The following TGFBR2 variants were observed in gnomAD, a reference collection of about 807,000 sequenced individuals.
TGFBR2 encodes transforming growth factor beta receptor 2, also known as TGF-beta receptor type-2.
Under a neutral mutation model 49.0 loss-of-function variants are expected in TGFBR2, and 18 were observed. The ratio of observed to expected loss-of-function variants is 0.37; its 90% CI spans 0.25 to 0.54. TGFBR2 has a LOEUF of 0.54. TGFBR2 is among the 20% of genes least tolerant of loss of function. The pLI, the probability that TGFBR2 is intolerant of heterozygous loss-of-function variation, is 0.85. For missense variants in TGFBR2, 525 were observed against 722.6 expected (o/e 0.73, Z 3.13); for synonymous variants, 282 against 275.9 (o/e 1.02, Z -0.22).
intron 1 of TGFBR2, among the ~76,000 whole-genome samples, chr3:30,640,835 A>C (rs1333425281): frequency 6.6e-6 from 1 of 152,154 alleles, no homozygotes; most frequent in Non-Finnish European, 1.5e-5. Context: ...CTATAGGGTT[A>C]ATTAGGTGGG....
chr3:30,613,321 C>A (rs1218437302), intron 1 of TGFBR2, among the ~76,000 whole-genome samples: 1 of 151,998 alleles, frequency 6.6e-6, no homozygotes. Context: ...TTTGGGCCTT[C>A]CAGTCTTACT....
chr3:30,635,345 A>G (rs941758469), intron 1 of TGFBR2, among the ~76,000 whole-genome samples: 15 of 152,238 alleles, frequency 9.9e-5, no homozygotes, highest in African/African-American at 3.6e-4. Flanking sequence ...AAAAACAAAA[A>G]CAAACAAAAA....
chr3:30,608,041 C>T (rs1382548272), intron 1 of TGFBR2, among the ~76,000 whole-genome samples: 1 of 151,160 alleles, frequency 6.6e-6, no homozygotes, highest in Non-Finnish European at 1.5e-5. Flanking sequence ...TGGGTTCAAG[C>T]GATTCTCCTG....
intron 3 of TGFBR2, among the ~76,000 whole-genome samples, chr3:30,654,175 A>T (rs1698951796): frequency 6.6e-6 from 1 of 152,244 alleles, no homozygotes; most frequent in African/African-American, 2.4e-5. Flanking sequence ...ATCTAGACAA[A>T]ATGGTGCAGA....
chr3:30,661,380 C>G (rs968836293), intron 3 of TGFBR2, among the ~76,000 whole-genome samples: 1 of 152,176 alleles, frequency 6.6e-6, no homozygotes, highest in Non-Finnish European at 1.5e-5. Flanking sequence ...GGTTGCCCTC[C>G]TTTTAAAGTC....
In TGFBR2 at chr3:30,691,841, G is replaced by A. The variant is rs1320860965; in HGVS notation, c.*242G>A. ...TAGCACTTCCTCAGGAAATGAGATT[G>A]ATTTTTACAATAGCCAATAACATTT... On this transcript the variant is annotated 3_prime_UTR_variant, in exon 7 of 7. Transcript: ENST00000295754. 1.9e-6 allele frequency: 1 copy of A among 520,392 alleles called. No individual in the cohort carries two copies. Among genetic ancestry groups the A allele is most frequent in the Admixed American group, 3.2e-5 (1 of 31,636 alleles). 32.2% of individuals were successfully genotyped at this position (520,392 alleles called of 1,614,324 possible).
intron 1 of TGFBR2, among the ~76,000 whole-genome samples, chr3:30,618,203 C>T (rs1575131294): frequency 6.6e-6 from 1 of 151,812 alleles, no homozygotes; most frequent in Admixed American, 6.6e-5. Context: ...ACTGTAGAAC[C>T]CAAGGACCCA....
chr3:30,648,462 A>ACACACACACCC (rs71786414), intron 2 of TGFBR2, among the ~76,000 whole-genome samples: 2 of 149,766 alleles, frequency 1.3e-5, no homozygotes, highest in Non-Finnish European at 1.5e-5. Context: ...ACACACACAC[A>ACACACACACCC]AAACTGTGGG....
chr3:30,644,642 C>A, intron 1 of TGFBR2, 105 bp from the exon 2 acceptor site: 1 of 1,097,014 alleles, frequency 9.1e-7, no homozygotes, highest in Non-Finnish European at 1.4e-6. Context: ...CAGATTCATT[C>A]TCATGACATC....
chr3:30,688,755 T>C (rs1699665268), intron 6 of TGFBR2, among the ~76,000 whole-genome samples: 1 of 152,250 alleles, frequency 6.6e-6, no homozygotes, highest in South Asian at 2.1e-4. Flanking sequence ...TGCCACATTT[T>C]CCAAGCCCCC....
At chr3:30,643,790 G>A (rs971373064) in intron 1 of TGFBR2, among the ~76,000 whole-genome samples, 3 of 152,316 alleles carry the variant, frequency 2.0e-5, no homozygotes, top group Middle Eastern at 3.4e-3. Flanking sequence ...GCAAGTATGC[G>A]ATGCAGATAG....
intron 1 of TGFBR2, among the ~76,000 whole-genome samples, chr3:30,633,624 C>A (rs527934749): frequency 5.3e-5 from 8 of 152,210 alleles, no homozygotes; most frequent in Admixed American, 3.3e-4. Flanking sequence ...AATTTGAGGA[C>A]ACAGAGACTT....
intron 1 of TGFBR2, among the ~76,000 whole-genome samples, chr3:30,636,155 A>ATG (rs61296907): frequency 0.069 from 9,326 of 134,508 alleles, 365 homozygotes; most frequent in East Asian, 0.18. Flanking sequence ...ATATATATGT[A>ATG]TGTGTGTGTG....
chr3:30,688,017 T>C (rs1699653333), intron 5 of TGFBR2, among the ~76,000 whole-genome samples: 1 of 152,202 alleles, frequency 6.6e-6, no homozygotes, highest in African/African-American at 2.4e-5. Context: ...TTGTAATACA[T>C]AAGATTTTTC....
At chr3:30,687,309 A>G (rs762824794) in intron 5 of TGFBR2, among the ~76,000 whole-genome samples, 2 of 152,200 alleles carry the variant, frequency 1.3e-5, no homozygotes, top group Non-Finnish European at 2.9e-5. Context: ...CTGTCTTCCC[A>G]CTAAAACAGC....
At chr3:30,661,079 A>C (rs958796051) in intron 3 of TGFBR2, among the ~76,000 whole-genome samples, 3 of 152,196 alleles carry the variant, frequency 2.0e-5, no homozygotes, top group African/African-American at 7.2e-5. Context: ...TAACTTAAGA[A>C]ATGTACCTTG....
At chr3:30,669,121 C>CAAAAA (rs56069409) in intron 3 of TGFBR2, among the ~76,000 whole-genome samples, 42 of 83,462 alleles carry the variant, frequency 5.0e-4, no homozygotes, top group African/African-American at 1.9e-3. Context: ...ACTAAAAATA[C>CAAAAA]AAAAAAAAAA....
At chr3:30,607,055 G>C (rs1186712114) in intron 1 of TGFBR2, 78 bp downstream of exon 1, 5 of 1,299,254 alleles carry the variant, frequency 3.8e-6, no homozygotes, top group Non-Finnish European at 5.3e-6. Flanking sequence ...GCGCTTGACA[G>C]TCGGGCCCGG....
rs878854612 is a variant in TGFBR2, at chr3:30,606,952, G to T, written c.69G>T (p.Thr23=). 78 of 1,602,126 alleles carry T rather than the reference G, an allele frequency of 4.9e-5. No individual in the cohort carries two copies. The highest frequency in any genetic ancestry group is 6.5e-5 in the Non-Finnish European group (76 of 1,174,724). ...HIVLWTRIAS[T]IPPHVQKSVN... Reference sequence around the variant, plus strand: ...TCCTGTGGACGCGTATCGCCAGCACGATCCCACCGCACGTTCAGAAGTCGG... The same window carrying T: ...TCCTGTGGACGCGTATCGCCAGCACTATCCCACCGCACGTTCAGAAGTCGG... The change falls in exon 1 of 7, where the codon ACG becomes ACT. Residue 23 remains threonine, a synonymous_variant. Coordinates refer to ENST00000295754, the MANE Select transcript of TGFBR2 (RefSeq NM_003242.6).
Sources: allele counts gnomAD v4.1 joint callset (sites outside exome capture counted in the v4.1 genomes callset), GRCh38; gene constraint gnomAD v4.1.1; transcripts MANE v1.5; gene names NCBI Gene and HGNC (gene_info 2026-07-23, HGNC 2026-07-21).